NLRP8: variants seen among roughly 807,000 people sequenced by gnomAD.
NLRP8 encodes NACHT, LRR and PYD domains-containing protein 8.
In NLRP8, 86 loss-of-function variants were observed where a neutral mutation model predicts 88.7. That is an observed-to-expected ratio of 0.97 (90% CI 0.81 to 1.16). NLRP8 has a LOEUF of 1.16. Ranked by LOEUF, NLRP8 falls within the 50% of genes most tolerant of loss-of-function variation. NLRP8 has a pLI of 0.00. For synonymous variants in NLRP8, 504 were observed against 494.6 expected (o/e 1.02, Z -0.25); for missense variants, 1,342 against 1,286.5 (o/e 1.04, Z -0.66).
rs754334361 is a variant in NLRP8 at position 55,948,049 on chromosome 19, C to T, written c.147C>T (p.Ser49=). Residue 49 remains serine, a synonymous_variant, in exon 1 of 10, where the codon AGC becomes AGT. Coordinates refer to ENST00000291971, the MANE Select transcript of NLRP8 (RefSeq NM_176811.2). ...TCATGCTGTACATGAGAAACGTGAGCCATGAGGAGCTACAACGGTTCAAGC... is the reference window on the plus strand; with the variant it reads ...TCATGCTGTACATGAGAAACGTGAGTCATGAGGAGCTACAACGGTTCAAGC... 138 of 1,613,974 alleles carry T rather than the reference C, an allele frequency of 8.6e-5. 1 individual carries two copies. Among genetic ancestry groups the T allele is most frequent in the Non-Finnish European group, 2.9e-5 (34 of 1,180,038 alleles).
chr19:55,962,193 C>A lies in NLRP8; in HGVS notation c.2169C>A (p.Leu723=). ...TGGGGCCTCCTTTTTTGAAGGCTCTCGCGGCCGCACTGAGGCACCCTCAGT... is the reference window on the plus strand; with the variant it reads ...TGGGGCCTCCTTTTTTGAAGGCTCTAGCGGCCGCACTGAGGCACCCTCAGT... Residue 723 remains leucine (L), a synonymous_variant, in exon 4 of 10, where the codon CTC becomes CTA. Transcript: ENST00000291971. 6.2e-7 allele frequency: 1 copy of A among 1,614,114 alleles called. No homozygotes were observed. The highest frequency in any genetic ancestry group is 1.1e-5 in the South Asian group (1 of 91,084).
chr19:55,973,829 C>A lies in NLRP8; in HGVS notation c.2705+7C>A. ...GTCCTCTGCAGAGGCTGGTGTAAGTCCCAGAATGTTTTCTTCTCTGAATTC... is the reference window on the plus strand; with the variant it reads ...GTCCTCTGCAGAGGCTGGTGTAAGTACCAGAATGTTTTCTTCTCTGAATTC... On this transcript the variant is annotated splice_region_variant and intron_variant, in intron 7 of 9. Transcript: ENST00000291971. 6.2e-7 allele frequency: 1 copy of A among 1,603,192 alleles called. No individual in the cohort carries two copies. Among genetic ancestry groups the A allele is most frequent in the African/African-American group, 1.3e-5 (1 of 74,842 alleles).
chr19:55,964,423 A>G (rs191219433), intron 4 of NLRP8, among the ~76,000 whole-genome samples: 28 of 152,334 alleles, frequency 1.8e-4, no homozygotes, highest in African/African-American at 6.3e-4. Flanking sequence ...CATGTTGCAC[A>G]GAACGGGCCC....
At chr19:55,957,459 G>T (rs990999034) in intron 3 of NLRP8, among the ~76,000 whole-genome samples, 1 of 151,740 alleles carries the variant, frequency 6.6e-6, no homozygotes, top group Non-Finnish European at 1.5e-5. Flanking sequence ...GCCGAGGCAG[G>T]TGGATCACTT....
intron 3 of NLRP8, 22 bp from the exon 4 acceptor site, chr19:55,962,045 C>T: frequency 1.2e-6 from 2 of 1,604,174 alleles, no homozygotes; most frequent in Non-Finnish European, 1.7e-6. Flanking sequence ...GAGGTGTTTT[C>T]TCTCTTCTCC....
chr19:55,954,102 C>T (rs1439953488), intron 2 of NLRP8, among the ~76,000 whole-genome samples: 1 of 152,042 alleles, frequency 6.6e-6, no homozygotes, highest in Non-Finnish European at 1.5e-5. Flanking sequence ...CACACCCGGC[C>T]CTCCCAAGTA....
At chr19:55,961,922 G>T in intron 3 of NLRP8, 145 bp from the exon 4 acceptor site, 1 of 583,074 alleles carries the variant, frequency 1.7e-6, no homozygotes, top group Admixed American at 3.3e-5. Flanking sequence ...TGGTTTTTCT[G>T]AGTGCTTTAT....
intron 6 of NLRP8, 114 bp from the exon 7 acceptor site, chr19:55,973,538 G>T (rs1980170188): frequency 2.2e-6 from 2 of 891,374 alleles, no homozygotes; most frequent in Non-Finnish European, 3.3e-6. Flanking sequence ...GGTGATGACA[G>T]AGGTGTGAGG....
chr19:55,968,207 G>T (rs1229215024), intron 5 of NLRP8, among the ~76,000 whole-genome samples: 2 of 152,192 alleles, frequency 1.3e-5, no homozygotes, highest in African/African-American at 4.8e-5. Context: ...GGGAGGCTGA[G>T]GTGGGTGGAT....
chr19:55,948,675 T>A (rs2123178594), intron 1 of NLRP8, among the ~76,000 whole-genome samples: 1 of 152,294 alleles, frequency 6.6e-6, no homozygotes, highest in East Asian at 1.9e-4. Context: ...TGACCTCAGG[T>A]AATCCGCCTG....
rs370157519 is a variant in NLRP8, at chr19:55,954,098, C to T, written c.443-403C>T. Among the ~76,000 whole-genome samples, 3 of 152,176 alleles carry T rather than the reference C, an allele frequency of 2.0e-5. No homozygotes were observed. The East Asian group carries it at 5.8e-4, about 29-fold the overall frequency. On this transcript the variant is annotated intron_variant, in intron 2 of 9. Coordinates refer to ENST00000291971, the MANE Select transcript of NLRP8 (RefSeq NM_176811.2). ...GATTACAGGTACAAGCCGCCACACC[C>T]GGCCCTCCCAAGTATTTCTGATTTG...
At chr19:55,972,630 C>T (rs1980126366) in intron 6 of NLRP8, among the ~76,000 whole-genome samples, 1 of 151,892 alleles carries the variant, frequency 6.6e-6, no homozygotes, top group African/African-American at 2.4e-5. Flanking sequence ...ATTCTTATGC[C>T]TTTGTGTCCT....
chr19:55,948,877 T>C (rs2123178943), intron 1 of NLRP8, among the ~76,000 whole-genome samples: 1 of 152,322 alleles, frequency 6.6e-6, no homozygotes, highest in African/African-American at 2.4e-5. Context: ...GGTATAGCTA[T>C]GGTGATGTCA....
chr19:55,983,571 G>A (rs1230252852), intron 9 of NLRP8, among the ~76,000 whole-genome samples: 2 of 151,344 alleles, frequency 1.3e-5, no homozygotes, highest in African/African-American at 4.9e-5. Flanking sequence ...GTACTCACAT[G>A]AGTCTTTAAG....
chr19:55,984,842 A>C (rs78082297), intron 9 of NLRP8, among the ~76,000 whole-genome samples: 3 of 152,144 alleles, frequency 2.0e-5, no homozygotes, highest in African/African-American at 4.8e-5. Context: ...ATCTCAAAAG[A>C]AAAAATTAAA....
intron 9 of NLRP8, 58 bp downstream of exon 9, chr19:55,979,622 A>C: frequency 6.3e-7 from 1 of 1,582,682 alleles, no homozygotes; most frequent in Non-Finnish European, 8.7e-7. Context: ...GCTCCTTGTA[A>C]AACGTGAGAT....
intron 5 of NLRP8, among the ~76,000 whole-genome samples, chr19:55,970,165 T>C (rs547284136): frequency 6.6e-6 from 1 of 152,356 alleles, no homozygotes; most frequent in Non-Finnish European, 1.5e-5. Flanking sequence ...AGATGATGGA[T>C]GTATTAATTA....
chr19:55,948,481 G>T (rs113546874), intron 1 of NLRP8, among the ~76,000 whole-genome samples: 4 of 152,278 alleles, frequency 2.6e-5, no homozygotes, highest in Admixed American at 6.5e-5. Context: ...TCTTGCCCAG[G>T]CTGAAGTGCA....
intron 2 of NLRP8, among the ~76,000 whole-genome samples, chr19:55,954,232 C>T (rs1979225790): frequency 6.6e-6 from 1 of 152,100 alleles, no homozygotes; most frequent in African/African-American, 2.4e-5. Flanking sequence ...GAAACTATGG[C>T]GCCACTGAAC....
Sources: allele counts gnomAD v4.1 joint callset (sites outside exome capture counted in the v4.1 genomes callset), GRCh38; gene constraint gnomAD v4.1.1; transcripts MANE v1.5; gene names NCBI Gene and HGNC (gene_info 2026-07-23, HGNC 2026-07-21).